The following RGS7BP variants were observed in gnomAD, a reference collection of about 807,000 sequenced individuals.
The protein encoded by RGS7BP is regulator of G protein signaling 7-binding protein.
RGS7BP carries 9 observed loss-of-function variants against 31.3 expected under a neutral mutation model. That is an observed-to-expected ratio of 0.29 (90% confidence interval 0.17 to 0.50). The LOEUF (loss-of-function observed/expected upper bound fraction) is 0.50, where lower values mean the gene tolerates loss of function less well. Among genes scored for constraint, RGS7BP ranks in the 20% least tolerant of loss-of-function variants. The pLI, the probability that RGS7BP is intolerant of heterozygous loss-of-function variation, is 0.98. For missense variants in RGS7BP, 274 were observed against 322.0 expected, an observed-to-expected ratio of 0.85 and a Z score of 1.14; for synonymous variants, 115 against 120.1, an observed-to-expected ratio of 0.96 and a Z score of 0.28.
intron 2 of RGS7BP, among the ~76,000 whole-genome samples, chr5:64,537,181 A>G (rs981757771): frequency 1.3e-5 from 2 of 152,218 alleles, no homozygotes; most frequent in African/African-American, 4.8e-5. Flanking sequence ...GGGGTGTCCA[A>G]TCTTTTGGCT....
intron 2 of RGS7BP, among the ~76,000 whole-genome samples, chr5:64,513,718 G>A (rs1748900198): frequency 6.6e-6 from 1 of 152,202 alleles, no homozygotes; most frequent in African/African-American, 2.4e-5. Context: ...GTTAGTAAAA[G>A]GGACCTGTGG....
intron 4 of RGS7BP, among the ~76,000 whole-genome samples, chr5:64,596,593 T>G (rs1743075439): frequency 6.6e-6 from 1 of 152,094 alleles, no homozygotes; most frequent in Non-Finnish European, 1.5e-5. Context: ...AGACTGTGCC[T>G]TGCACTTGTG....
Position 64,506,479 on chromosome 5 carries a change from C to T in RGS7BP, c.-146C>T. ...GGCTCTCCTTCAAGCTGAAGGTTAC[C>T]GACCCGCGCAGCCAGCCCCAGCACT... is the stretch of plus-strand genomic sequence containing the variant. On this transcript the variant is annotated 5_prime_UTR_variant, in exon 1 of 6. It introduces an in-frame stop codon into an upstream open reading frame of the 5' UTR. Transcript: ENST00000334025. The surrounding 1 kb of genome is among the most constrained non-coding windows in gnomAD (Gnocchi z 4.6). The T allele has an allele frequency of 1.8e-6, 1 of 566,676 alleles. No homozygotes were observed. The highest frequency in any genetic ancestry group is 3.0e-6 in the Non-Finnish European group (1 of 335,112). 35.1% of individuals were successfully genotyped at this position (566,676 alleles called of 1,614,324 possible). A position where few individuals can be genotyped will look rare whatever the true frequency, so the allele number is the denominator to read the frequency against.
intron 3 of RGS7BP, among the ~76,000 whole-genome samples, chr5:64,587,497 G>A (rs1447914001): frequency 2.0e-5 from 3 of 152,134 alleles, no homozygotes; most frequent in Non-Finnish European, 4.4e-5. Context: ...TGCTGGAACT[G>A]CTGTCAGGAA....
intron 2 of RGS7BP, among the ~76,000 whole-genome samples, chr5:64,535,978 T>C (rs1411452196): frequency 6.6e-6 from 1 of 152,148 alleles, no homozygotes; most frequent in Non-Finnish European, 1.5e-5. Flanking sequence ...GGGGGTACAA[T>C]TGTGATGGAA....
chr5:64,555,186 A>G (rs80098028), intron 2 of RGS7BP, among the ~76,000 whole-genome samples: 1,600 of 152,230 alleles, frequency 0.011, 24 homozygotes, highest in African/African-American at 0.037. Flanking sequence ...CAGAGGAACT[A>G]CAATACAATT....
intron 2 of RGS7BP, among the ~76,000 whole-genome samples, chr5:64,531,773 T>C (rs1749376395): frequency 6.6e-6 from 1 of 152,240 alleles, no homozygotes; most frequent in African/African-American, 2.4e-5. Flanking sequence ...TCACATGATT[T>C]TGAGCGTATG....
chr5:64,603,009 A>C (rs941859037), intron 5 of RGS7BP, among the ~76,000 whole-genome samples: 1 of 152,164 alleles, frequency 6.6e-6, no homozygotes, highest in African/African-American at 2.4e-5. Context: ...AACTGCAAGG[A>C]CTTAAGTAGT....
chr5:64,523,683 A>C (rs560389953), intron 2 of RGS7BP, among the ~76,000 whole-genome samples: 2 of 152,342 alleles, frequency 1.3e-5, no homozygotes, highest in Admixed American at 6.5e-5. Context: ...AGAATACACC[A>C]AATATTGAGA....
chr5:64,561,553 A>C lies in RGS7BP; in HGVS notation c.333-14221A>C, dbSNP rs192893910. ...TAAACTGAGGATAGGGATAGCAACT[A>C]CCTCATAGACTCATTGTGAGAATTA... On this transcript the variant is annotated intron_variant, in intron 2 of 5. Transcript: ENST00000334025. 2.0e-3 allele frequency among the ~76,000 whole-genome samples: 307 copies of C among 152,194 alleles called. 2 individuals are homozygous for C. The highest frequency in any genetic ancestry group is 3.2e-3 in the Non-Finnish European group (217 of 67,982).
Position 64,575,834 on chromosome 5 carries a change from C to T in RGS7BP, c.393C>T (p.Cys131=). The T allele has an allele frequency of 2.5e-6, 4 of 1,613,504 alleles. No individual in the cohort carries two copies. The South Asian group carries it at 4.4e-5, about 18-fold the overall frequency. ...GGCTTTACATCCAGCTGCAGTGCTG[C>T]TTAGAAATGTATACCACAGAGATGC... ...ICRLYIQLQC[C]LEMYTTEMLK... is the part of the protein sequence containing the mutation. The change falls in exon 3 of 6, where the codon TGC becomes TGT. Residue 131 remains cysteine (C), a synonymous_variant. Coordinates refer to ENST00000334025, the MANE Select transcript of RGS7BP (RefSeq NM_001029875.3).
chr5:64,598,067 A>T (rs1743122262), intron 4 of RGS7BP, among the ~76,000 whole-genome samples: 2 of 152,166 alleles, frequency 1.3e-5, no homozygotes, highest in South Asian at 4.1e-4. Context: ...TGTCCTCGTG[A>T]CCAATGGCTC....
intron 2 of RGS7BP, among the ~76,000 whole-genome samples, chr5:64,532,219 C>T (rs1412805413): frequency 6.6e-6 from 1 of 152,020 alleles, no homozygotes; most frequent in Non-Finnish European, 1.5e-5. Flanking sequence ...ATGGGAAGAG[C>T]TAAACAATGA....
chr5:64,581,543 G>C lies in RGS7BP; in HGVS notation c.463+5639G>C, dbSNP rs569514181. On this transcript the variant is annotated intron_variant, in intron 3 of 5. Transcript: ENST00000334025. ...CTCTTGTATTGAGTAGTCAGGACAT[G>C]AGTTTACTCTTTGGAGAGAAGGGGC... Among the ~76,000 whole-genome samples the C allele has an allele frequency of 1.7e-3, 261 of 152,364 alleles. 1 individual carries two copies. The highest frequency in any genetic ancestry group is 0.017 in the Middle Eastern group (5 of 294).
chr5:64,538,546 C>CTTTTTTTTTTTTTTTTCCTTTTTT, intron 2 of RGS7BP, among the ~76,000 whole-genome samples: 1 of 40,026 alleles, frequency 2.5e-5, no homozygotes, highest in Non-Finnish European at 4.2e-5. Flanking sequence ...TTTTCCTTTT[C>CTTTTTTTTTTTTTTTTCCTTTTTT]TTTTTTTTTT....
chr5:64,561,318 T>C (rs1404373803), intron 2 of RGS7BP, among the ~76,000 whole-genome samples: 3 of 152,170 alleles, frequency 2.0e-5, no homozygotes, highest in African/African-American at 7.2e-5. Context: ...CCTAGCACAA[T>C]ATTTTATAAA....
At chr5:64,599,776 T>C (rs1015585031) in intron 5 of RGS7BP, among the ~76,000 whole-genome samples, 1 of 152,258 alleles carries the variant, frequency 6.6e-6, no homozygotes, top group Admixed American at 6.5e-5. Flanking sequence ...TGGGTTCAAA[T>C]GCAGGCTCTG....
At chr5:64,591,668 A>G (rs921242466) in intron 3 of RGS7BP, among the ~76,000 whole-genome samples, 1 of 152,198 alleles carries the variant, frequency 6.6e-6, no homozygotes, top group African/African-American at 2.4e-5. Flanking sequence ...TATTGTGGAA[A>G]AAGAGAACAA....
chr5:64,598,335 G>A (rs377268590), intron 4 of RGS7BP, 30 bp from the exon 5 acceptor site: 704 of 1,276,264 alleles, frequency 5.5e-4, no homozygotes, highest in Non-Finnish European at 7.5e-4. Flanking sequence ...ATTTACAGCT[G>A]ATTATTCTGT....
Sources: gnomAD v4.1 joint callset for allele counts (sites outside exome capture counted in the v4.1 genomes callset) on GRCh38, gnomAD v4.1.1 for gene constraint, Gnocchi (gnomAD v3.1) non-coding constraint, MANE v1.5 for transcripts, NCBI Gene and HGNC (gene_info 2026-07-23, HGNC 2026-07-21) for gene names.